PASD1: variants seen among roughly 807,000 people sequenced by gnomAD.
PASD1 encodes the protein circadian clock protein PASD1.
PASD1 carries 13 observed loss-of-function variants against 58.8 expected under a neutral mutation model. That is an observed-to-expected ratio of 0.22 (90% CI 0.14 to 0.35). The LOEUF (loss-of-function observed/expected upper bound fraction) is 0.35. Among genes scored for constraint, PASD1 ranks in the 10% least tolerant of loss-of-function variants. The probability of loss-of-function intolerance (pLI) is 1.00; values close to 1 mark genes in which losing one functional copy is unlikely to be tolerated. For missense variants in PASD1, 734 were observed against 568.3 expected, an observed-to-expected ratio of 1.29 and a Z score of -2.96; for synonymous variants, 236 against 216.7, an observed-to-expected ratio of 1.09 and a Z score of -0.78.
In PASD1 at chrX:151,620,992, C is replaced by T. The variant is rs1457215851; in HGVS notation, c.270C>T (p.Tyr90=). ...CTGATGAAGAGAAAGATGAAGTCTACCAAAAGATTATTCTCAAATTTCCTT... is the reference window on the plus strand; with the variant it reads ...CTGATGAAGAGAAAGATGAAGTCTATCAAAAGATTATTCTCAAATTTCCTT... ...LLPDEEKDEV[Y]QKIILKFPLL... Residue 90 remains tyrosine, a synonymous_variant, in exon 5 of 16, where the codon TAC becomes TAT. Transcript: ENST00000370357. 3.3e-6 allele frequency: 4 copies of T among 1,200,870 alleles called. No homozygotes were observed. The highest frequency in any genetic ancestry group is 4.5e-6 in the Non-Finnish European group (4 of 889,899).
intron 4 of PASD1, 105 bp downstream of exon 4, chrX:151,611,858 T>C (rs1010800273): frequency 2.8e-5 from 15 of 527,134 alleles, no homozygotes; most frequent in Non-Finnish European, 4.5e-5. Context: ...AGAGTACATG[T>C]GCACAACGTG....
chrX:151,568,519 T>G (rs2012880540), intron 1 of PASD1, among the ~76,000 whole-genome samples: 1 of 112,474 alleles, frequency 8.9e-6, no homozygotes, highest in Non-Finnish European at 1.9e-5. Flanking sequence ...TATTTAGCTT[T>G]GGAAATTAAA....
chrX:151,673,067 G>A (rs960063438), intron 14 of PASD1: 1 of 146,850 alleles, frequency 6.8e-6, no homozygotes, highest in Non-Finnish European at 1.3e-5. Context: ...CTGGAATCTG[G>A]TGATGGCAGT....
At chrX:151,646,183 C>G (rs1193655335) in intron 8 of PASD1, among the ~76,000 whole-genome samples, 33 of 111,990 alleles carry the variant, frequency 2.9e-4, no homozygotes, top group Non-Finnish European at 5.6e-5. Flanking sequence ...GTGCCTGTGA[C>G]TTTTATGTTC....
chrX:151,597,264 A>G (rs1041176954), intron 1 of PASD1, among the ~76,000 whole-genome samples: 1 of 112,257 alleles, frequency 8.9e-6, no homozygotes, highest in Non-Finnish European at 1.9e-5. Flanking sequence ...GTTTAGAAGC[A>G]TCCATTTGCG....
At chrX:151,565,300 C>T (rs2012818852) in intron 1 of PASD1, among the ~76,000 whole-genome samples, 1 of 112,265 alleles carries the variant, frequency 8.9e-6, no homozygotes, top group South Asian at 3.7e-4. Flanking sequence ...GCATTGGACT[C>T]ATGACTTTGA....
chrX:151,619,609 A>G (rs1376647469), intron 4 of PASD1, among the ~76,000 whole-genome samples: 1 of 111,419 alleles, frequency 9.0e-6, no homozygotes, highest in Non-Finnish European at 1.9e-5. Context: ...GTATCAAGGG[A>G]AAAGGAAGGA....
intron 10 of PASD1, among the ~76,000 whole-genome samples, chrX:151,662,574 C>T (rs1041356301): frequency 3.6e-5 from 4 of 111,298 alleles, no homozygotes; most frequent in African/African-American, 1.3e-4. Flanking sequence ...TCTATTCATA[C>T]TAACCCATGC....
At chrX:151,565,624 C>T (rs1490428990) in intron 1 of PASD1, among the ~76,000 whole-genome samples, 1 of 96,967 alleles carries the variant, frequency 1.0e-5, no homozygotes, top group Non-Finnish European at 2.0e-5. Context: ...GTGGCGTGAT[C>T]TCGGCTCACT....
At chrX:151,624,808 C>A (rs2013762824) in intron 7 of PASD1, among the ~76,000 whole-genome samples, 1 of 111,427 alleles carries the variant, frequency 9.0e-6, no homozygotes, top group Non-Finnish European at 1.9e-5. Flanking sequence ...GTCATCATTT[C>A]TTCAAATTAA....
chrX:151,622,178 G>T (rs1040466236), intron 6 of PASD1, among the ~76,000 whole-genome samples: 1 of 111,150 alleles, frequency 9.0e-6, no homozygotes. Context: ...TTTTTGTCGC[G>T]TGTGGATATA....
At chrX:151,654,286 G>A (rs911903903) in intron 9 of PASD1, among the ~76,000 whole-genome samples, 1 of 110,398 alleles carries the variant, frequency 9.1e-6, no homozygotes, top group Non-Finnish European at 1.9e-5. Flanking sequence ...GTTTTCTTTG[G>A]GGGGAGGAGT....
intron 1 of PASD1, among the ~76,000 whole-genome samples, chrX:151,591,789 G>T (rs2013252905): frequency 1.8e-5 from 2 of 111,273 alleles, no homozygotes; most frequent in African/African-American, 6.5e-5. Context: ...GTGAAGCTGT[G>T]TGCTGTTGGA....
rs145376792 is a variant in PASD1 at position 151,604,651 on chromosome X, G to C, written c.34G>C (p.Val12Leu). Residue 12 changes from valine (V) to leucine (L), a missense_variant, in exon 3 of 16, where the codon GTC becomes CTC. Physicochemically the swap from Val to Leu is conservative, Grantham distance 32. Transcript: ENST00000370357. ...TTCTTCCTTTTTCTAAAAAGACAAA[G>C]TCAATCCAAAAAGCTCTCAAAGGAA... is the stretch of plus-strand genomic sequence containing the variant. ...KMRGEKRRDK[V>L]NPKSSQRKLN... 4 of 1,199,027 alleles carry C rather than the reference G, an allele frequency of 3.3e-6. No individual in the cohort carries two copies. The highest frequency in any genetic ancestry group is 3.4e-6 in the Non-Finnish European group (3 of 887,029).
chrX:151,566,255 T>C (rs1202801582), intron 1 of PASD1, among the ~76,000 whole-genome samples: 1 of 112,377 alleles, frequency 8.9e-6, no homozygotes, highest in African/African-American at 3.2e-5. Flanking sequence ...CTTTGAGCTA[T>C]AATATGTGAA....
intron 4 of PASD1, among the ~76,000 whole-genome samples, chrX:151,620,191 T>A (rs921126962): frequency 8.9e-6 from 1 of 112,090 alleles, no homozygotes; most frequent in Non-Finnish European, 1.9e-5. Flanking sequence ...TATCATAGCA[T>A]GTATAGTACA....
At chrX:151,669,137 A>G (rs2014428878) in intron 11 of PASD1, among the ~76,000 whole-genome samples, 1 of 102,038 alleles carries the variant, frequency 9.8e-6, no homozygotes. Context: ...TTTTTGATAT[A>G]TTGCAGTTGT....
intron 9 of PASD1, 94 bp downstream of exon 9, chrX:151,648,796 T>C: frequency 2.1e-6 from 2 of 974,941 alleles, no homozygotes; most frequent in South Asian, 2.3e-5. Context: ...AAGTATGTCA[T>C]ATGGATGTGA....
rs2013483585 is a variant in PASD1 at position 151,605,951 on chromosome X, A to G, written c.117+1217A>G. ...TACACAAATATTTGCTAAATAGAGGACTTAAAATGTGTTATGTGAAATCCT... is the reference window on the plus strand; with the variant it reads ...TACACAAATATTTGCTAAATAGAGGGCTTAAAATGTGTTATGTGAAATCCT... On this transcript the variant is annotated intron_variant, in intron 3 of 15. Coordinates refer to ENST00000370357, the MANE Select transcript of PASD1 (RefSeq NM_173493.3). 2.7e-5 allele frequency among the ~76,000 whole-genome samples: 3 copies of G among 112,305 alleles called. No homozygotes were observed. The South Asian group carries it at 1.1e-3, about 42-fold the overall frequency.
Sources: gnomAD v4.1 joint callset for allele counts (sites outside exome capture counted in the v4.1 genomes callset) on GRCh38, gnomAD v4.1.1 for gene constraint, MANE v1.5 for transcripts, NCBI Gene and HGNC (gene_info 2026-07-23, HGNC 2026-07-21) for gene names.